The following ARL6 variants were observed in gnomAD, a reference collection of about 807,000 sequenced individuals.
ARL6 encodes ARF like GTPase 6.
In ARL6, 18 loss-of-function variants were observed where a neutral mutation model predicts 27.1. The observed-to-expected ratio is 0.66, with a 90% CI of 0.46 to 0.98. ARL6 has a LOEUF of 0.98. Ranked by LOEUF, ARL6 falls within the 50% of genes least tolerant of loss-of-function variation. ARL6 has a pLI of 0.00. For missense variants in ARL6, 187 were observed against 214.9 expected (o/e 0.87, Z 0.81); for synonymous variants, 65 against 72.3 (o/e 0.90, Z 0.51).
chr3:97,790,791 A>G (rs138613051), intron 6 of ARL6, among the ~76,000 whole-genome samples: 8 of 152,122 alleles, frequency 5.3e-5, no homozygotes, highest in African/African-American at 1.4e-4. Flanking sequence ...TTTCTGGGAG[A>G]TAATTTTTAT....
chr3:97,793,140 T>G (rs2108090682), intron 7 of ARL6, among the ~76,000 whole-genome samples: 1 of 152,348 alleles, frequency 6.6e-6, no homozygotes, highest in South Asian at 2.1e-4. Context: ...GGTGGTTTAG[T>G]TAACTGGACA....
chr3:97,780,256 G>C (rs753686839), intron 3 of ARL6, 36 bp downstream of exon 3: 56 of 1,538,954 alleles, frequency 3.6e-5, no homozygotes, highest in Non-Finnish European at 9.9e-6. Flanking sequence ...AAAGTTGCTA[G>C]TGAAAAATAA....
chr3:97,770,976 T>C (rs1271506895), intron 2 of ARL6, among the ~76,000 whole-genome samples: 2 of 152,088 alleles, frequency 1.3e-5, no homozygotes, highest in Admixed American at 6.6e-5. Context: ...TTTGTACTTT[T>C]TGTTCAGGAT....
At chr3:97,772,781 C>T (rs1415039597) in intron 2 of ARL6, among the ~76,000 whole-genome samples, 1 of 151,782 alleles carries the variant, frequency 6.6e-6, no homozygotes, top group African/African-American at 2.4e-5. Context: ...ACCACCATGC[C>T]CTGCTAATTT....
At chr3:97,768,818 C>G (rs1239853311) in intron 2 of ARL6, among the ~76,000 whole-genome samples, 1 of 152,054 alleles carries the variant, frequency 6.6e-6, no homozygotes, top group African/African-American at 2.4e-5. Context: ...ATCAGAAAAA[C>G]TGACCTCCAG....
chr3:97,768,026 AT>A, intron 1 of ARL6, 54 bp from the exon 2 acceptor site: 1 of 1,512,164 alleles, frequency 6.6e-7, no homozygotes. Flanking sequence ...ACCTACCAAT[AT>A]TTTCCATAAC....
At chr3:97,788,870 G>T (rs1365022224) in intron 6 of ARL6, among the ~76,000 whole-genome samples, 3 of 152,016 alleles carry the variant, frequency 2.0e-5, no homozygotes, top group Non-Finnish European at 4.4e-5. Flanking sequence ...TAGTGCCTAC[G>T]ACTACCATCT....
chr3:97,777,185 C>A (rs71311334), intron 2 of ARL6, among the ~76,000 whole-genome samples: 5,867 of 152,176 alleles, frequency 0.039, 153 homozygotes, highest in Non-Finnish European at 0.061. Context: ...TGATTGATAC[C>A]ACCAAGGATA....
At chr3:97,768,004 T>G in intron 1 of ARL6, 77 bp from the exon 2 acceptor site, 1 of 1,315,870 alleles carries the variant, frequency 7.6e-7, no homozygotes. Context: ...AATTATTACC[T>G]TTTTTTAATA....
intron 2 of ARL6, among the ~76,000 whole-genome samples, chr3:97,774,964 G>A (rs1169774137): frequency 6.6e-6 from 1 of 152,144 alleles, no homozygotes; most frequent in Non-Finnish European, 1.5e-5. Context: ...TATGTATAGA[G>A]TCACTAAACT....
intron 2 of ARL6, among the ~76,000 whole-genome samples, chr3:97,779,790 C>T (rs1053056392): frequency 2.6e-5 from 4 of 151,102 alleles, no homozygotes; most frequent in Non-Finnish European, 2.9e-5. Flanking sequence ...GGTGTGAAGC[C>T]GGGAGGTGGA....
chr3:97,772,342 G>A (rs975954137), intron 2 of ARL6, among the ~76,000 whole-genome samples: 2 of 151,728 alleles, frequency 1.3e-5, no homozygotes, highest in Non-Finnish European at 2.9e-5. Flanking sequence ...ATAATCCCTT[G>A]TATTTCTGTG....
At chr3:97,794,346 G>C (rs1386158099) in intron 7 of ARL6, among the ~76,000 whole-genome samples, 6 of 152,006 alleles carry the variant, frequency 3.9e-5, no homozygotes, top group African/African-American at 7.2e-5. Flanking sequence ...CTGAGTAGCT[G>C]AGATTACAGG....
At chr3:97,785,783 G>GT (rs2108058111) in intron 5 of ARL6, among the ~76,000 whole-genome samples, 1 of 152,238 alleles carries the variant, frequency 6.6e-6, no homozygotes, top group South Asian at 2.1e-4. Flanking sequence ...CAGTGCTCCA[G>GT]TAAGTATTGT....
intron 5 of ARL6, among the ~76,000 whole-genome samples, chr3:97,787,654 C>T (rs1318193036): frequency 4.6e-5 from 7 of 152,052 alleles, no homozygotes; most frequent in Admixed American, 4.6e-4. Context: ...TTGAAGTTTG[C>T]CTCCTTTCTG....
chr3:97,782,045 TGA>T (rs1285956899), intron 4 of ARL6, among the ~76,000 whole-genome samples: 2 of 151,958 alleles, frequency 1.3e-5, no homozygotes, highest in African/African-American at 4.8e-5. Flanking sequence ...AGAAGACTTC[TGA>T]GAGAGAGGGA....
intron 5 of ARL6, among the ~76,000 whole-genome samples, chr3:97,786,874 A>G (rs1361115608): frequency 6.6e-6 from 1 of 152,218 alleles, no homozygotes; most frequent in Admixed American, 6.5e-5. Context: ...TCTATTACCT[A>G]TGATATGGAA....
chr3:97,782,826 A>T (rs2037263992), intron 4 of ARL6, among the ~76,000 whole-genome samples: 1 of 126,616 alleles, frequency 7.9e-6, no homozygotes, highest in South Asian at 2.3e-4. Flanking sequence ...CCATAGTAGT[A>T]AAAAAAAAAA....
intron 5 of ARL6, among the ~76,000 whole-genome samples, chr3:97,785,358 G>A (rs1256892452): frequency 2.7e-5 from 4 of 147,586 alleles, no homozygotes; most frequent in Non-Finnish European, 1.5e-5. Flanking sequence ...AAAATCAGAT[G>A]GAAAAATAAA....
Sources: gnomAD v4.1 joint callset for allele counts (sites outside exome capture counted in the v4.1 genomes callset) on GRCh38, gnomAD v4.1.1 for gene constraint, MANE v1.5 for transcripts, NCBI Gene and HGNC (gene_info 2026-07-23, HGNC 2026-07-21) for gene names.